Variants in LIMK2 observed in about 807,000 individuals in gnomAD.
The protein encoded by LIMK2 is LIM domain kinase 2.
In LIMK2, 35 loss-of-function variants were observed where a neutral mutation model predicts 75.7. The ratio of observed to expected loss-of-function variants is 0.46; its 90% confidence interval spans 0.35 to 0.61. The LOEUF (loss-of-function observed/expected upper bound fraction) is 0.61, where lower values mean the gene tolerates loss of function less well. Among genes scored for constraint, LIMK2 ranks in the 20% least tolerant of loss-of-function variants. LIMK2 has a pLI of 0.00. For missense variants in LIMK2, 623 were observed against 831.0 expected (o/e 0.75, Z 3.08); for synonymous variants, 301 against 319.2 (o/e 0.94, Z 0.61).
At chr22:31,255,986 T>A (rs973663352) in intron 2 of LIMK2, among the ~76,000 whole-genome samples, 12 of 90,402 alleles carry the variant, frequency 1.3e-4, no homozygotes, top group African/African-American at 5.8e-4. Context: ...GTCTTTTTTT[T>A]TTTTTTTTTT....
At chr22:31,221,339 C>T (rs995597085) in intron 1 of LIMK2, among the ~76,000 whole-genome samples, 4 of 151,524 alleles carry the variant, frequency 2.6e-5, no homozygotes, top group South Asian at 2.1e-4. Context: ...TTCCTTCCCC[C>T]CTTTTTTGCC....
chr22:31,222,075 T>C (rs2048438866), intron 1 of LIMK2, among the ~76,000 whole-genome samples: 1 of 151,880 alleles, frequency 6.6e-6, no homozygotes, highest in Admixed American at 6.6e-5. Context: ...ACTTTTTTTC[T>C]TTTTTCTTTT....
intron 15 of LIMK2, among the ~76,000 whole-genome samples, chr22:31,276,522 C>T (rs1466567966): frequency 6.8e-6 from 1 of 146,880 alleles, no homozygotes; most frequent in Non-Finnish European, 1.5e-5. Context: ...GGGGGCGGGG[C>T]GCGACCAGGC....
intron 15 of LIMK2, among the ~76,000 whole-genome samples, chr22:31,276,533 C>T (rs2123871204): frequency 6.8e-6 from 1 of 146,868 alleles, no homozygotes. Context: ...GCGACCAGGC[C>T]AGGCCCGGGG....
chr22:31,251,115 C>G (rs2123819351), intron 2 of LIMK2, among the ~76,000 whole-genome samples: 1 of 152,338 alleles, frequency 6.6e-6, no homozygotes, highest in Admixed American at 6.5e-5. Flanking sequence ...GAGAAGTGAG[C>G]TGCAATTACC....
In LIMK2 at chr22:31,278,360, C is replaced by CA; in HGVS notation, c.1837dup (p.Ile613AsnfsTer99). On this transcript the variant is annotated frameshift_variant, in exon 16 of 16. Coordinates refer to ENST00000331728, the MANE Select transcript of LIMK2 (RefSeq NM_005569.4). LOFTEE classifies it high-confidence loss of function. ...TCTCCCTGTACCTGGGGGAGCTGGG[C>CA]ATCCCGCTGCCTGCAGAGCTGGAGG... The CA allele has an allele frequency of 6.2e-7, 1 of 1,613,950 alleles. No homozygotes were observed. Among genetic ancestry groups the CA allele is most frequent in the Non-Finnish European group, 8.5e-7 (1 of 1,179,900 alleles).
At chr22:31,239,260 A>C (rs867092001) in intron 2 of LIMK2, among the ~76,000 whole-genome samples, 47 of 152,268 alleles carry the variant, frequency 3.1e-4, no homozygotes, top group African/African-American at 1.0e-3. Flanking sequence ...CGTTCTGTTA[A>C]AAATCACTGC....
chr22:31,257,566 A>G (rs534893904), intron 2 of LIMK2, among the ~76,000 whole-genome samples: 1 of 152,312 alleles, frequency 6.6e-6, no homozygotes, highest in Admixed American at 6.5e-5. Flanking sequence ...GTCCAAATCC[A>G]TATTTCCTCA....
intron 2 of LIMK2, among the ~76,000 whole-genome samples, chr22:31,233,235 G>A (rs1276701635): frequency 1.3e-5 from 2 of 152,180 alleles, no homozygotes; most frequent in African/African-American, 4.8e-5. Flanking sequence ...TCTATGAAAA[G>A]GGAAATGGCT....
At chr22:31,254,021 T>C (rs1420621676) in intron 2 of LIMK2, among the ~76,000 whole-genome samples, 4 of 152,142 alleles carry the variant, frequency 2.6e-5, no homozygotes, top group Non-Finnish European at 1.5e-5. Flanking sequence ...TTCAGAGACA[T>C]GTGTGGCAGT....
chr22:31,266,257 TG>T, intron 8 of LIMK2, 125 bp downstream of exon 8: 1 of 942,682 alleles, frequency 1.1e-6, no homozygotes, highest in Non-Finnish European at 1.6e-6. Context: ...TTCCTGGCTT[TG>T]GGTGTTGGTG....
chr22:31,253,788 G>C (rs2048749551), intron 2 of LIMK2, among the ~76,000 whole-genome samples: 2 of 152,210 alleles, frequency 1.3e-5, no homozygotes, highest in African/African-American at 4.8e-5. Flanking sequence ...TGCTACCGTA[G>C]GGTTGTCAGG....
chr22:31,224,158 G>T (rs571624537), intron 1 of LIMK2, among the ~76,000 whole-genome samples: 1 of 152,186 alleles, frequency 6.6e-6, no homozygotes, highest in Non-Finnish European at 1.5e-5. Context: ...ACCACAGCTT[G>T]ATCTCAGCTG....
rs2049052898 is a variant in LIMK2 at position 31,278,322 on chromosome 22, TC to T, written c.1800del (p.Phe601LeufsTer26). 1 of 1,612,582 alleles carries T rather than the reference TC, an allele frequency of 6.2e-7. No individual in the cohort carries two copies. The highest frequency in any genetic ancestry group is 2.2e-5 in the East Asian group (1 of 44,880). On this transcript the variant is annotated frameshift_variant, in exon 16 of 16. Coordinates refer to ENST00000331728, the MANE Select transcript of LIMK2 (RefSeq NM_005569.4). LOFTEE classifies it high-confidence loss of function. ...SRPAFSKLED[S>X]FEALSLYLGE... ...ACCAGCATTCTCGAAATTGGAGGACTCCTTTGAGGCCCTCTCCCTGTACCTG... is the reference window on the plus strand; with the variant it reads ...ACCAGCATTCTCGAAATTGGAGGACTCTTTGAGGCCCTCTCCCTGTACCTG...
intron 2 of LIMK2, among the ~76,000 whole-genome samples, chr22:31,244,625 G>A (rs1277091247): frequency 6.6e-6 from 1 of 152,132 alleles, no homozygotes; most frequent in East Asian, 1.9e-4. Context: ...CAACCTCATA[G>A]GGGTGAAAAA....
intron 3 of LIMK2, 174 bp from the exon 4 acceptor site, chr22:31,258,947 C>T: frequency 3.6e-6 from 2 of 555,622 alleles, no homozygotes; most frequent in Non-Finnish European, 6.5e-6. Context: ...TCAGAAATGA[C>T]AGGAGGTACC....
At chr22:31,245,954 C>G (rs550163744) in intron 2 of LIMK2, among the ~76,000 whole-genome samples, 1 of 151,936 alleles carries the variant, frequency 6.6e-6, no homozygotes, top group Non-Finnish European at 1.5e-5. Context: ...AAGTGGATCA[C>G]CTGAGGTCAG....
chr22:31,266,794 G>T (rs2048900590), intron 8 of LIMK2, among the ~76,000 whole-genome samples, 190 bp from the exon 9 acceptor site: 2 of 152,200 alleles, frequency 1.3e-5, no homozygotes, highest in Admixed American at 1.3e-4. Context: ...CAGCTCTCCA[G>T]GAAAGAGGGT....
At chr22:31,224,400 C>A (rs115746108) in intron 1 of LIMK2, among the ~76,000 whole-genome samples, 470 of 152,292 alleles carry the variant, frequency 3.1e-3, no homozygotes, top group African/African-American at 0.01. Context: ...CCTGGTTCCC[C>A]TCATTGGAGT....
Sources: allele counts gnomAD v4.1 joint callset (sites outside exome capture counted in the v4.1 genomes callset), GRCh38; gene constraint gnomAD v4.1.1; transcripts MANE v1.5; gene names NCBI Gene and HGNC (gene_info 2026-07-23, HGNC 2026-07-21).